ALG13: variants seen among roughly 807,000 people sequenced by gnomAD.
ALG13 encodes the protein ALG13 UDP-N-acetylglucosaminyltransferase subunit, also known as UDP-N-acetylglucosamine transferase subunit ALG13.
A neutral mutation model predicts 87.8 loss-of-function variants in ALG13; 11 were observed. That is an observed-to-expected ratio of 0.13 (90% CI 0.08 to 0.21). The LOEUF (loss-of-function observed/expected upper bound fraction) is 0.21, where lower values mean the gene tolerates loss of function less well. Among genes scored for constraint, ALG13 ranks in the 10% least tolerant of loss-of-function variants. The pLI, the probability that ALG13 is intolerant of heterozygous loss-of-function variation, is 1.00. For synonymous variants in ALG13, 320 were observed against 306.3 expected, an observed-to-expected ratio of 1.04 and a Z score of -0.47; for missense variants, 756 against 866.1, an observed-to-expected ratio of 0.87 and a Z score of 1.60.
intron 12 of ALG13, among the ~76,000 whole-genome samples, chrX:111,722,303 G>A (rs1051884959): frequency 5.4e-5 from 6 of 111,366 alleles, no homozygotes; most frequent in African/African-American, 1.6e-4. Flanking sequence ...ATAGGTCATT[G>A]TTTCTCTCCT....
At chrX:111,718,355 C>A in intron 10 of ALG13, 81 bp downstream of exon 10, 1 of 862,842 alleles carries the variant, frequency 1.2e-6, no homozygotes, top group Non-Finnish European at 1.6e-6. Context: ...AGGGGCCTGG[C>A]AAGCTTATGA....
At chrX:111,732,395 T>C (rs1215629897) in intron 21 of ALG13, among the ~76,000 whole-genome samples, 1 of 112,380 alleles carries the variant, frequency 8.9e-6, no homozygotes, top group Non-Finnish European at 1.9e-5. Context: ...AAAGTTGTTC[T>C]TGCTAATGTT....
chrX:111,682,957 A>C (rs1212797042), intron 2 of ALG13, among the ~76,000 whole-genome samples: 1 of 111,011 alleles, frequency 9.0e-6, no homozygotes, highest in African/African-American at 3.3e-5. Flanking sequence ...GCTTTTGGGG[A>C]GCAATGCAGT....
chrX:111,707,940 A>C, intron 3 of ALG13, 87 bp from the exon 4 acceptor site: 110 of 922,841 alleles, frequency 1.2e-4, no homozygotes, highest in Non-Finnish European at 1.5e-4. Flanking sequence ...AGGTAACTCT[A>C]AGTACTTTCT....
rs781064025 is a variant in ALG13 at position 111,744,677 on chromosome X, C to T, written c.2705C>T (p.Ser902Leu). 1.4e-5 allele frequency: 16 copies of T among 1,183,070 alleles called. No homozygotes were observed. Among genetic ancestry groups the T allele is most frequent in the Non-Finnish European group, 1.1e-6 (1 of 883,841 alleles). Reference sequence around the variant, plus strand: ...TTTGTTTCTTTGTTAGTGATTGCCTCACCATCCTATCCATGCCATTCTGCT... The same window carrying T: ...TTTGTTTCTTTGTTAGTGATTGCCTTACCATCCTATCCATGCCATTCTGCT... ...PPTHGRPVIA[S>L]PSYPCHSAIP... The change falls in exon 24 of 27, where the codon TCA becomes TTA. Residue 902 changes from serine (S) to leucine (L), a missense_variant. Transcript: ENST00000394780.
intron 3 of ALG13, among the ~76,000 whole-genome samples, chrX:111,691,885 A>G: frequency 8.9e-6 from 1 of 112,213 alleles, no homozygotes; most frequent in African/African-American, 3.2e-5. Flanking sequence ...GTTATTTACA[A>G]ATCTTTTTCT....
chrX:111,694,710 C>T (rs779565310), intron 3 of ALG13, among the ~76,000 whole-genome samples: 1 of 111,902 alleles, frequency 8.9e-6, no homozygotes, highest in African/African-American at 3.2e-5. Context: ...GATCATTTCT[C>T]CTTTTGTGCA....
chrX:111,757,912 T>G, intron 26 of ALG13, 150 bp downstream of exon 26: 1 of 520,285 alleles, frequency 1.9e-6, no homozygotes, highest in South Asian at 3.6e-5. Context: ...TCCCTAAGAC[T>G]CTTTCAAGGG....
At position 111,753,390 on chromosome X, in the gene ALG13, A is replaced by G. The variant is rs754005725; in HGVS notation, c.2973+560A>G. On this transcript the variant is annotated intron_variant, in intron 25 of 26. Transcript: ENST00000394780. Reference sequence around the variant, plus strand: ...ACACCCTAACATCACAATTAAAAGAACTAGAGAAGCAAAAGCAAACAAATT... The same window carrying G: ...ACACCCTAACATCACAATTAAAAGAGCTAGAGAAGCAAAAGCAAACAAATT... 4.5e-5 allele frequency among the ~76,000 whole-genome samples: 5 copies of G among 111,976 alleles called. No homozygotes were observed. In the East Asian group the frequency reaches 1.4e-3, roughly 32 times the overall value.
chrX:111,703,596 A>G lies in ALG13; in HGVS notation c.384-4431A>G, dbSNP rs750449478. 1.1e-4 allele frequency among the ~76,000 whole-genome samples: 12 copies of G among 111,933 alleles called. No homozygotes were observed. In the East Asian group the frequency reaches 1.4e-3, roughly 13 times the overall value. On this transcript the variant is annotated intron_variant, in intron 3 of 26. Coordinates refer to ENST00000394780, the MANE Select transcript of ALG13 (RefSeq NM_001099922.3). ...CTTTCCTATAGTTTGGCCTTTTTCA[A>G]TGTCATATAAATGCAGGCATACAGT...
chrX:111,731,823 G>A (rs1462368880), intron 21 of ALG13, among the ~76,000 whole-genome samples: 1 of 111,765 alleles, frequency 8.9e-6, no homozygotes, highest in East Asian at 2.8e-4. Flanking sequence ...GATTGCAAGT[G>A]GCTTGAGTTT....
At chrX:111,682,332 A>G in intron 2 of ALG13, 38 bp downstream of exon 2, 1 of 1,091,500 alleles carries the variant, frequency 9.2e-7, no homozygotes, top group Non-Finnish European at 1.2e-6. Context: ...GGGTCTTTTA[A>G]TTTTAATTTT....
chrX:111,700,407 A>G (rs1207891822), intron 3 of ALG13, among the ~76,000 whole-genome samples: 1 of 110,692 alleles, frequency 9.0e-6, no homozygotes, highest in Non-Finnish European at 1.9e-5. Flanking sequence ...TGTATGTTGA[A>G]TAGAAGTGGT....
At chrX:111,706,923 CAA>C (rs776803537) in intron 3 of ALG13, among the ~76,000 whole-genome samples, 8 of 35,698 alleles carry the variant, frequency 2.2e-4, no homozygotes, top group Admixed American at 3.4e-4. Flanking sequence ...TCCACAGATA[CAA>C]AAAAAAAAAA....
intron 3 of ALG13, among the ~76,000 whole-genome samples, chrX:111,693,340 C>T (rs889871549): frequency 4.6e-5 from 5 of 107,710 alleles, no homozygotes; most frequent in African/African-American, 1.7e-4. Flanking sequence ...CTGCAACCTC[C>T]GCTTCCCAGG....
intron 24 of ALG13, among the ~76,000 whole-genome samples, chrX:111,747,185 A>G (rs1395399377): frequency 8.9e-6 from 1 of 111,956 alleles, no homozygotes; most frequent in Non-Finnish European, 1.9e-5. Flanking sequence ...CATGGATGCT[A>G]TAATGGAGCA....
intron 15 of ALG13, among the ~76,000 whole-genome samples, chrX:111,725,549 A>G (rs754222024): frequency 1.4e-3 from 160 of 111,496 alleles, no homozygotes; most frequent in African/African-American, 4.9e-3. Flanking sequence ...ATTTGGTAGC[A>G]TAATAGGGTG....
At chrX:111,758,885 A>C (rs1435544969) in intron 26 of ALG13, among the ~76,000 whole-genome samples, 1 of 111,744 alleles carries the variant, frequency 8.9e-6, no homozygotes, top group African/African-American at 3.3e-5. Context: ...GGATCACCTG[A>C]GGTCAGGAGT....
Position 111,722,821 on chromosome X carries a change from T to C in ALG13, c.1464T>C (p.Tyr488=). Reference sequence around the variant, plus strand: ...TTCAAAAATCTGATTACATGGAGTATGCTGGGAGACAGTACTATTTGGGAG... The same window carrying C: ...TTCAAAAATCTGATTACATGGAGTACGCTGGGAGACAGTACTATTTGGGAG... ...KELQKSDYME[Y]AGRQYYLGDK... Residue 488 remains tyrosine, a synonymous_variant, in exon 13 of 27, where the codon TAT becomes TAC. Transcript: ENST00000394780. 8.3e-7 allele frequency: 1 copy of C among 1,202,677 alleles called. No homozygotes were observed. Among genetic ancestry groups the C allele is most frequent in the Non-Finnish European group, 1.1e-6 (1 of 889,163 alleles).
Sources: allele counts gnomAD v4.1 joint callset (sites outside exome capture counted in the v4.1 genomes callset), GRCh38; gene constraint gnomAD v4.1.1; transcripts MANE v1.5; gene names NCBI Gene and HGNC (gene_info 2026-07-23, HGNC 2026-07-21).